TCF7L1: variants seen among roughly 807,000 people sequenced by gnomAD.
TCF7L1 encodes the protein transcription factor 7-like 1.
A neutral mutation model predicts 63.7 loss-of-function variants in TCF7L1; 18 were observed. That is an observed-to-expected ratio of 0.28 (90% CI 0.20 to 0.42). The LOEUF (loss-of-function observed/expected upper bound fraction) is 0.42. TCF7L1 is among the 10% of genes least tolerant of loss of function. The pLI is 1.00. For missense variants in TCF7L1, 654 were observed against 779.3 expected (o/e 0.84, Z 1.91); for synonymous variants, 355 against 340.9 (o/e 1.04, Z -0.46).
intron 4 of TCF7L1, among the ~76,000 whole-genome samples, chr2:85,295,924 C>A (rs763471511): frequency 6.6e-6 from 1 of 151,708 alleles, no homozygotes; most frequent in Non-Finnish European, 1.5e-5. Context: ...ATTACAGGTG[C>A]CCACCACCAC....
At chr2:85,153,446 A>G (rs1678070762) in intron 3 of TCF7L1, among the ~76,000 whole-genome samples, 1 of 145,002 alleles carries the variant, frequency 6.9e-6, no homozygotes, top group African/African-American at 2.6e-5. Flanking sequence ...GGTTCACGCC[A>G]TTCTCCTGCC....
intron 3 of TCF7L1, among the ~76,000 whole-genome samples, chr2:85,259,953 G>A (rs116161027): frequency 3.6e-4 from 55 of 152,266 alleles, no homozygotes; most frequent in African/African-American, 1.2e-3. Context: ...GTGCATATGT[G>A]AGGGGAGGGC....
At chr2:85,249,205 T>G (rs1680536754) in intron 3 of TCF7L1, among the ~76,000 whole-genome samples, 1 of 152,224 alleles carries the variant, frequency 6.6e-6, no homozygotes, top group Non-Finnish European at 1.5e-5. Flanking sequence ...GTAGTTCCCT[T>G]TGGAATTTCC....
At chr2:85,211,429 A>T (rs1679538174) in intron 3 of TCF7L1, among the ~76,000 whole-genome samples, 1 of 152,216 alleles carries the variant, frequency 6.6e-6, no homozygotes, top group Non-Finnish European at 1.5e-5. Context: ...ACAGGTCATT[A>T]TGAGGATTAA....
rs777197590 is a variant in TCF7L1 at position 85,309,374 on chromosome 2, C to T, written c.1679C>T (p.Pro560Leu). 35 of 1,603,594 alleles carry T rather than the reference C, an allele frequency of 2.2e-5. No homozygotes were observed. Among genetic ancestry groups the T allele is most frequent in the South Asian group, 4.5e-5 (4 of 89,518 alleles). Residue 560 changes from proline (P) to leucine (L), a missense_variant, in exon 12 of 12, where the codon CCG becomes CTG. Pro to Leu is a moderately conservative substitution (Grantham distance 98, BLOSUM62 -3). Transcript: ENST00000282111. ...CCCACAGCTCTGCTGGCCTCTCCCC[C>T]GTCCTTCCCCGCCACGCTCCATGCC... The part of the protein sequence containing the change: ...SMPTALLASP[P>L]SFPATLHAHQ...
At chr2:85,231,691 C>A (rs984645826) in intron 3 of TCF7L1, among the ~76,000 whole-genome samples, 1 of 152,178 alleles carries the variant, frequency 6.6e-6, no homozygotes, top group African/African-American at 2.4e-5. Context: ...TCGACTCCCC[C>A]AAAAGTTATT....
chr2:85,133,997 C>G lies in TCF7L1; in HGVS notation c.250-19C>G. On this transcript the variant is annotated intron_variant, in intron 1 of 11. Coordinates refer to ENST00000282111, the MANE Select transcript of TCF7L1 (RefSeq NM_031283.3). This position sits in a 1 kb window ranked among gnomAD's most constrained non-coding sequence, Gnocchi z 4.4. ...CCTGCGTCCGCTCACCCGCTCTTGCCTTTGTGTCTCCTCCGCAGGCGGAGA... is the reference window on the plus strand; with the variant it reads ...CCTGCGTCCGCTCACCCGCTCTTGCGTTTGTGTCTCCTCCGCAGGCGGAGA... 1.2e-6 allele frequency: 2 copies of G among 1,608,862 alleles called. No homozygotes were observed. Among genetic ancestry groups the G allele is most frequent in the Non-Finnish European group, 1.7e-6 (2 of 1,177,998 alleles).
At chr2:85,171,214 A>C (rs1678537757) in intron 3 of TCF7L1, among the ~76,000 whole-genome samples, 2 of 152,176 alleles carry the variant, frequency 1.3e-5, no homozygotes, top group South Asian at 4.1e-4. Context: ...CGTGAACAGC[A>C]TGGGAAAGAC....
chr2:85,214,544 A>T (rs762937602), intron 3 of TCF7L1, among the ~76,000 whole-genome samples: 22 of 152,254 alleles, frequency 1.4e-4, no homozygotes, highest in Non-Finnish European at 2.2e-4. Context: ...CTCAAAAACA[A>T]AACTGTCTAT....
chr2:85,302,314 A>G lies in TCF7L1; in HGVS notation c.526-170A>G, dbSNP rs554559185. The stretch of plus-strand genomic sequence containing the variant: ...GGAGGGTGGGTGTGATCCCTTCTCA[A>G]GTCCTGCTGCTCTGCTGTGTCCACT... On this transcript the variant is annotated intron_variant, in intron 4 of 11. Transcript: ENST00000282111. Among the ~76,000 whole-genome samples, 7 of 152,168 alleles carry G rather than the reference A, an allele frequency of 4.6e-5. No homozygotes were observed. In the East Asian group the frequency reaches 1.4e-3, roughly 29 times the overall value.
chr2:85,205,704 A>G (rs1679392555), intron 3 of TCF7L1, among the ~76,000 whole-genome samples: 1 of 151,938 alleles, frequency 6.6e-6, no homozygotes, highest in African/African-American at 2.4e-5. Flanking sequence ...TTTTTTTAGT[A>G]GAGAAGGGGT....
At position 85,195,311 on chromosome 2, in the gene TCF7L1, G is replaced by A. The variant is rs183955458; in HGVS notation, c.441+60861G>A. Among the ~76,000 whole-genome samples, 33 of 152,314 alleles carry A rather than the reference G, an allele frequency of 2.2e-4. 1 individual carries two copies. In the East Asian group the frequency reaches 5.0e-3, roughly 23 times the overall value. On this transcript the variant is annotated intron_variant, in intron 3 of 11. Transcript: ENST00000282111. ...CAAGAAATGTTAACGTGCATGGGAC[G>A]TGGTGGCTTATGCCTGTAATTGCAA...
intron 3 of TCF7L1, among the ~76,000 whole-genome samples, chr2:85,256,087 A>T (rs1388120542): frequency 6.6e-6 from 1 of 151,978 alleles, no homozygotes; most frequent in Non-Finnish European, 1.5e-5. Context: ...AATCCTATTC[A>T]TGGCTCAGGA....
At chr2:85,178,496 G>A (rs148662518) in intron 3 of TCF7L1, among the ~76,000 whole-genome samples, 30 of 152,306 alleles carry the variant, frequency 2.0e-4, no homozygotes, top group African/African-American at 7.2e-4. Context: ...AAGGAGCAGG[G>A]TGGCAGGGGT....
At position 85,306,304 on chromosome 2, in the gene TCF7L1, A is replaced by G. The variant is rs771119639; in HGVS notation, c.1088A>G (p.Lys363Arg). 2 of 1,614,226 alleles carry G rather than the reference A, an allele frequency of 1.2e-6. No individual in the cohort carries two copies. Among genetic ancestry groups the G allele is most frequent in the Non-Finnish European group, 1.7e-6 (2 of 1,180,042 alleles). Residue 363 changes from lysine to arginine, a missense_variant, in exon 9 of 12, where the codon AAG becomes AGG. Lys to Arg is a conservative substitution (Grantham distance 26, BLOSUM62 2). Transcript: ENST00000282111. This position sits in a 1 kb window ranked among gnomAD's most constrained non-coding sequence, Gnocchi z 4.3. ...FMLYMKEMRA[K>R]VVAECTLKES... ...TTGTATATGAAGGAGATGAGGGCCA[A>G]GGTGGTGGCTGAGTGCACCCTGAAG...
At chr2:85,207,878 G>GATGTTC (rs1432753470) in intron 3 of TCF7L1, among the ~76,000 whole-genome samples, 2 of 152,130 alleles carry the variant, frequency 1.3e-5, no homozygotes, top group Non-Finnish European at 2.9e-5. Flanking sequence ...GCTAAGCATT[G>GATGTTC]ATGTTCAGTA....
At chr2:85,270,270 T>C (rs757717680) in intron 3 of TCF7L1, among the ~76,000 whole-genome samples, 1 of 152,240 alleles carries the variant, frequency 6.6e-6, no homozygotes, top group Non-Finnish European at 1.5e-5. Context: ...GGAAAGTCCG[T>C]AAACTTTAGA....
At chr2:85,272,354 TGAA>T (rs1681169639) in intron 3 of TCF7L1, among the ~76,000 whole-genome samples, 1 of 152,034 alleles carries the variant, frequency 6.6e-6, no homozygotes. Context: ...AAATTTCAAG[TGAA>T]GAAGAAAAAT....
chr2:85,138,660 T>G (rs1206312303), intron 3 of TCF7L1, among the ~76,000 whole-genome samples: 1 of 152,160 alleles, frequency 6.6e-6, no homozygotes, highest in Non-Finnish European at 1.5e-5. Context: ...CAATCTTTTT[T>G]CTTTGGTTGG....
Sources: allele counts gnomAD v4.1 joint callset (sites outside exome capture counted in the v4.1 genomes callset), GRCh38; gene constraint gnomAD v4.1.1; non-coding constraint Gnocchi (gnomAD v3.1); transcripts MANE v1.5; gene names NCBI Gene and HGNC (gene_info 2026-07-23, HGNC 2026-07-21).